Variants in PCA3 observed in about 807,000 individuals in gnomAD.
PCA3 encodes the protein Differential Display code 3.
At chr9:76,764,970 CA>C in intron 2 of PCA3, among the ~76,000 whole-genome samples, 1 of 152,124 alleles carries the variant, frequency 6.6e-6, no homozygotes. Context: ...AAGAATGATG[CA>C]GAGCAGATTT....
chr9:76,769,259 A>T (rs1179317409), intron 2 of PCA3, among the ~76,000 whole-genome samples: 4 of 152,366 alleles, frequency 2.6e-5, no homozygotes, highest in African/African-American at 9.6e-5. Context: ...TCTGCAGCTT[A>T]AAACAATTTT....
chr9:76,774,232 C>T (rs1240836429), intron 2 of PCA3, among the ~76,000 whole-genome samples: 2 of 151,516 alleles, frequency 1.3e-5, no homozygotes, highest in South Asian at 4.2e-4. Context: ...ACCTCCTAGG[C>T]TCAAGCGATC....
At chr9:76,777,748 G>C (rs1041446676) in intron 2 of PCA3, among the ~76,000 whole-genome samples, 1 of 152,234 alleles carries the variant, frequency 6.6e-6, no homozygotes, top group African/African-American at 2.4e-5. Flanking sequence ...AAGGTGGATA[G>C]AGAATATCAG....
chr9:76,768,876 A>G (rs993131155), intron 2 of PCA3, among the ~76,000 whole-genome samples: 3 of 152,212 alleles, frequency 2.0e-5, no homozygotes, highest in Non-Finnish European at 4.4e-5. Context: ...TTTACTTTGC[A>G]TAATTCCTAC....
At chr9:76,776,190 G>T (rs566549148) in intron 2 of PCA3, among the ~76,000 whole-genome samples, 4 of 152,264 alleles carry the variant, frequency 2.6e-5, no homozygotes, top group Non-Finnish European at 5.9e-5. Flanking sequence ...TTGTTACATG[G>T]ATATTGAGTA....
At chr9:76,781,820 T>A (rs915721714) in intron 2 of PCA3, among the ~76,000 whole-genome samples, 10 of 152,260 alleles carry the variant, frequency 6.6e-5, no homozygotes, top group Admixed American at 3.9e-4. Context: ...CCTTTCATCC[T>A]GCTGGACTCT....
chr9:76,776,893 TACACACACACACACACACAC>T (rs541232508), intron 2 of PCA3, among the ~76,000 whole-genome samples: 7 of 115,616 alleles, frequency 6.1e-5, no homozygotes, highest in South Asian at 3.0e-4. Flanking sequence ...CCAAAACACA[TACACACACACACACACACAC>T]ACACACACAC....
chr9:76,764,801 G>A lies in PCA3; in HGVS notation n.852+28186G>A, dbSNP rs189334599. 5.9e-5 allele frequency among the ~76,000 whole-genome samples: 9 copies of A among 152,260 alleles called. No homozygotes were observed. The East Asian group carries it at 1.7e-3, about 29-fold the overall frequency. ...CCTTTTTGGAGTGAACAAGCTATTT[G>A]CTTGGCTTCCATGATCCTTCTCCCT... On this transcript the variant is annotated intron_variant and non_coding_transcript_variant, in intron 2 of 5. Transcript: ENST00000644657.
chr9:76,779,368 C>T (rs2054133350), intron 2 of PCA3, among the ~76,000 whole-genome samples: 1 of 151,990 alleles, frequency 6.6e-6, no homozygotes, highest in Admixed American at 6.6e-5. Context: ...TGTAAATTTA[C>T]AGTTTCCTTC....
intron 2 of PCA3, chr9:76,786,154 T>C (rs2054952190): frequency 1.3e-5 from 2 of 152,192 alleles, no homozygotes; most frequent in South Asian, 2.1e-4. Flanking sequence ...TTAGGAATCA[T>C]TTACCAGGTT....
rs73653206 is a variant in PCA3, at chr9:76,777,166, A to T, written n.853-31417A>T. On this transcript the variant is annotated intron_variant and non_coding_transcript_variant, in intron 2 of 5. Transcript: ENST00000644657. ...TGGGGGAGGGCAGAGAAGGGAAGAA[A>T]TGCAATGACCCAAAGCATGTGAAAC... Among the ~76,000 whole-genome samples, 1,498 of 152,224 alleles carry T rather than the reference A, an allele frequency of 9.8e-3. 21 individuals carry two copies. Among genetic ancestry groups the T allele is most frequent in the African/African-American group, 0.034 (1,432 of 41,528 alleles).
At chr9:76,777,736 A>G (rs1301112392) in intron 2 of PCA3, among the ~76,000 whole-genome samples, 1 of 152,208 alleles carries the variant, frequency 6.6e-6, no homozygotes, top group Non-Finnish European at 1.5e-5. Flanking sequence ...ATCAAACAGG[A>G]TAAGGTGGAT....
intron 2 of PCA3, among the ~76,000 whole-genome samples, chr9:76,782,273 G>A (rs2054499030): frequency 2.0e-5 from 3 of 152,182 alleles, no homozygotes; most frequent in Non-Finnish European, 4.4e-5. Context: ...CCACTTGGAA[G>A]AGAAGTGACA....
intron 2 of PCA3, among the ~76,000 whole-genome samples, chr9:76,771,197 T>C (rs1011460281): frequency 1.3e-5 from 2 of 152,170 alleles, no homozygotes; most frequent in South Asian, 2.1e-4. Context: ...ATGTGAAAGG[T>C]TGCAATTTTG....
intron 2 of PCA3, chr9:76,783,871 C>T (rs1392768964): frequency 6.6e-6 from 1 of 152,146 alleles, no homozygotes; most frequent in African/African-American, 2.4e-5. Flanking sequence ...ACAGGAAGCA[C>T]AAAAGGAAGC....
At chr9:76,776,284 C>T (rs568641169) in intron 2 of PCA3, among the ~76,000 whole-genome samples, 2 of 152,066 alleles carry the variant, frequency 1.3e-5, no homozygotes, top group Admixed American at 6.6e-5. Flanking sequence ...TCCTTACCAC[C>T]CTCCCGCCTT....
chr9:76,775,600 C>T (rs1442177508), intron 2 of PCA3, among the ~76,000 whole-genome samples: 1 of 152,150 alleles, frequency 6.6e-6, no homozygotes, highest in Non-Finnish European at 1.5e-5. Flanking sequence ...TCTGCCCAGC[C>T]TATTTTGTCA....
At chr9:76,784,371 A>G (rs757007344) in intron 2 of PCA3, 4 of 152,240 alleles carry the variant, frequency 2.6e-5, no homozygotes, top group Admixed American at 6.5e-5. Flanking sequence ...TGCAACAAAC[A>G]AAATGGAATA....
In PCA3 at chr9:76,786,330, T is replaced by C. The variant is rs193172563; in HGVS notation, n.853-22253T>C. The C allele has an allele frequency of 9.2e-5, 14 of 152,286 alleles. No homozygotes were observed. In the East Asian group the frequency reaches 2.7e-3, roughly 29 times the overall value. The allele number at this position is 152,286 out of a possible 1,614,324, so 9.4% of individuals were successfully genotyped here. ...TCAACATTAGGGATTCAAAGAAATATTAGATTTAAGCTCACACTGGTCAAA... is the reference window on the plus strand; with the variant it reads ...TCAACATTAGGGATTCAAAGAAATACTAGATTTAAGCTCACACTGGTCAAA... On this transcript the variant is annotated intron_variant and non_coding_transcript_variant, in intron 2 of 5. Transcript: ENST00000644657.
Sources: allele counts gnomAD v4.1 joint callset (sites outside exome capture counted in the v4.1 genomes callset), GRCh38; gene constraint gnomAD v4.1.1; transcripts MANE v1.5; gene names NCBI Gene and HGNC (gene_info 2026-07-23, HGNC 2026-07-21).